Variants in ALK observed in about 807,000 individuals in gnomAD.
ALK encodes ALK receptor tyrosine kinase.
Under a neutral mutation model 163.1 loss-of-function variants are expected in ALK, and 74 were observed. The ratio of observed to expected loss-of-function variants is 0.45; its 90% CI spans 0.38 to 0.55. The LOEUF (loss-of-function observed/expected upper bound fraction) is 0.55, where lower values mean the gene tolerates loss of function less well. Among genes scored for constraint, ALK ranks in the 20% least tolerant of loss-of-function variants. The pLI is 0.00. For missense variants in ALK, 2,063 were observed against 2,105.3 expected, an observed-to-expected ratio of 0.98 and a Z score of 0.39; for synonymous variants, 960 against 843.2, an observed-to-expected ratio of 1.14 and a Z score of -2.40.
At chr2:29,665,889 A>G (rs764097698) in intron 3 of ALK, among the ~76,000 whole-genome samples, 2 of 151,948 alleles carry the variant, frequency 1.3e-5, no homozygotes, top group African/African-American at 4.8e-5. Flanking sequence ...CGTAAGATCA[A>G]CCTCCTCTTG....
intron 4 of ALK, among the ~76,000 whole-genome samples, chr2:29,475,243 T>A (rs1297949716): frequency 1.3e-5 from 2 of 151,576 alleles, no homozygotes; most frequent in Non-Finnish European, 2.9e-5. Flanking sequence ...AGAGCCACCA[T>A]CGCTGGAAGA....
intron 3 of ALK, among the ~76,000 whole-genome samples, chr2:29,687,567 T>TA (rs1228087985): frequency 6.6e-6 from 1 of 152,050 alleles, no homozygotes; most frequent in Admixed American, 6.6e-5. Flanking sequence ...TATCTTATTA[T>TA]AAAAAATAAT....
At chr2:29,356,532 T>C (rs75507458) in intron 5 of ALK, among the ~76,000 whole-genome samples, 11,020 of 152,258 alleles carry the variant, frequency 0.072, 524 homozygotes, top group Non-Finnish European at 0.11. Flanking sequence ...TACAATGGAA[T>C]GCCCTGAGTG....
At chr2:29,343,505 G>A (rs924692164) in intron 5 of ALK, among the ~76,000 whole-genome samples, 18 of 152,178 alleles carry the variant, frequency 1.2e-4, no homozygotes, top group Middle Eastern at 3.4e-3. Context: ...ATGAGCCACC[G>A]CACCAGGCCA....
intron 4 of ALK, among the ~76,000 whole-genome samples, chr2:29,466,884 T>C (rs1671226544): frequency 6.6e-6 from 1 of 152,264 alleles, no homozygotes; most frequent in Non-Finnish European, 1.5e-5. Flanking sequence ...TGATAATTTG[T>C]GTTTACACTT....
chr2:29,833,680 A>T (rs1665482596), intron 1 of ALK, among the ~76,000 whole-genome samples: 1 of 152,320 alleles, frequency 6.6e-6, no homozygotes, highest in South Asian at 2.1e-4. Flanking sequence ...CCCATTTTAC[A>T]AATGAGAAAA....
intron 1 of ALK, among the ~76,000 whole-genome samples, chr2:29,725,134 AC>A (rs1679533715): frequency 8.4e-6 from 1 of 118,348 alleles, no homozygotes; most frequent in Non-Finnish European, 1.6e-5. Context: ...GGATTTGGTT[AC>A]CTTCAGGCTA....
intron 4 of ALK, among the ~76,000 whole-genome samples, chr2:29,394,218 G>A (rs898689230): frequency 1.3e-5 from 2 of 151,810 alleles, no homozygotes; most frequent in Admixed American, 6.6e-5. Flanking sequence ...TTGTCTAAGA[G>A]GGATTCTTCT....
At position 29,228,918 on chromosome 2, in the gene ALK, C is replaced by G. The variant is rs1264537420; in HGVS notation, c.2781G>C (p.Gly927=). 8.9e-6 allele frequency: 13 copies of G among 1,457,936 alleles called. No homozygotes were observed. The highest frequency in any genetic ancestry group is 1.1e-5 in the Non-Finnish European group (11 of 1,041,820). 90.3% of individuals were successfully genotyped at this position (1,457,936 alleles called of 1,614,324 possible). ...TRGGFGGGGG[G]CSSGGGGGGY... ...CTCCGCCTCCTCCACCTGAGGAGCA[C>G]CCCCCTCCACCCCCTCCGAAACCCC... Residue 927 remains glycine (G), a synonymous_variant, in exon 16 of 29, where the codon GGG becomes GGC. Coordinates refer to ENST00000389048, the MANE Select transcript of ALK (RefSeq NM_004304.5).
At chr2:29,517,981 A>T (rs1469986092) in intron 4 of ALK, among the ~76,000 whole-genome samples, 2 of 152,104 alleles carry the variant, frequency 1.3e-5, no homozygotes, top group Non-Finnish European at 2.9e-5. Flanking sequence ...TTACTTCCCA[A>T]ATCTGAGCTC....
chr2:29,398,453 C>T (rs1226912705), intron 4 of ALK, among the ~76,000 whole-genome samples: 3 of 152,114 alleles, frequency 2.0e-5, no homozygotes, highest in Admixed American at 2.0e-4. Flanking sequence ...TAATACAGAG[C>T]TTCCTGGACA....
intron 5 of ALK, among the ~76,000 whole-genome samples, chr2:29,343,186 G>T (rs1172914337): frequency 6.9e-6 from 1 of 145,924 alleles, no homozygotes; most frequent in African/African-American, 2.5e-5. Flanking sequence ...GTGCCTGGCC[G>T]ATCTTTTTTT....
intron 11 of ALK, 122 bp downstream of exon 11, chr2:29,274,977 C>T (rs1221736117): frequency 7.6e-7 from 1 of 1,316,600 alleles, no homozygotes; most frequent in Middle Eastern, 2.6e-4. Context: ...GTAGGTGATA[C>T]TCCTTCTAAA....
rs375123868 is a variant in ALK, at chr2:29,563,094, G to A, written c.953-30978C>T. ...CTGGACTCCTCTCTGCTGGCGCAGA[G>A]CCCAGACTGTGGTAGGATATATTTG... On this transcript the variant is annotated intron_variant, in intron 3 of 28. Coordinates refer to ENST00000389048, the MANE Select transcript of ALK (RefSeq NM_004304.5). Among the ~76,000 whole-genome samples, 4 of 152,314 alleles carry A rather than the reference G, an allele frequency of 2.6e-5. No homozygotes were observed. In the East Asian group the frequency reaches 7.7e-4, roughly 29 times the overall value.
chr2:29,845,592 G>A (rs190405906), intron 1 of ALK, among the ~76,000 whole-genome samples: 4 of 152,226 alleles, frequency 2.6e-5, no homozygotes, highest in African/African-American at 9.6e-5. Context: ...GTGCCATCAT[G>A]ACCGGCCAAT....
chr2:29,204,384 C>T lies in ALK; in HGVS notation c.3938+2787G>A, dbSNP rs114797612. On this transcript the variant is annotated intron_variant, in intron 26 of 28. Coordinates refer to ENST00000389048, the MANE Select transcript of ALK (RefSeq NM_004304.5). ...GGGCTTCTCTTGACTATGACAACAC[C>T]TCCGACTTTCCTCGTTTTTTATGAC... 3.6e-3 allele frequency among the ~76,000 whole-genome samples: 549 copies of T among 150,886 alleles called. 7 individuals are homozygous for T. The highest frequency in any genetic ancestry group is 0.012 in the African/African-American group (504 of 41,236).
chr2:29,283,727 G>GT (rs940925222), intron 9 of ALK, among the ~76,000 whole-genome samples: 4 of 152,024 alleles, frequency 2.6e-5, no homozygotes, highest in African/African-American at 7.3e-5. Flanking sequence ...TGTAAGATGT[G>GT]TTTTTTTCCC....
chr2:29,383,923 A>G, intron 4 of ALK, 64 bp from the exon 5 acceptor site: 2 of 1,590,544 alleles, frequency 1.3e-6, no homozygotes, highest in Non-Finnish European at 1.7e-6. Context: ...TAGGCCTAAC[A>G]TGTGGACAGG....
At chr2:29,634,879 G>C (rs1005868553) in intron 3 of ALK, among the ~76,000 whole-genome samples, 1 of 152,154 alleles carries the variant, frequency 6.6e-6, no homozygotes, top group African/African-American at 2.4e-5. Flanking sequence ...ATAGTTGTCT[G>C]TATAGAAAAT....
Sources: gnomAD v4.1 joint callset for allele counts (sites outside exome capture counted in the v4.1 genomes callset) on GRCh38, gnomAD v4.1.1 for gene constraint, MANE v1.5 for transcripts, NCBI Gene and HGNC (gene_info 2026-07-23, HGNC 2026-07-21) for gene names.